MATR3: variants seen among roughly 807,000 people sequenced by gnomAD.
MATR3 encodes matrin 3, also known as matrin-3.
MATR3 carries 4 observed loss-of-function variants against 85.5 expected under a neutral mutation model. The observed-to-expected ratio is 0.05, with a 90% CI of 0.02 to 0.11. MATR3 has a LOEUF of 0.11. MATR3 is among the 10% of genes least tolerant of loss of function. The pLI is 1.00. For missense variants in MATR3, 685 were observed against 1,016.1 expected, an observed-to-expected ratio of 0.67 and a Z score of 4.43; for synonymous variants, 336 against 343.1, an observed-to-expected ratio of 0.98 and a Z score of 0.23.
chr5:139,328,414 T>A (rs1474529132), intron 14 of MATR3, among the ~76,000 whole-genome samples: 5 of 152,216 alleles, frequency 3.3e-5, no homozygotes, highest in African/African-American at 4.8e-5. Context: ...TTAGATTTTT[T>A]AATATGTCTT....
chr5:139,290,934 T>C (rs1162584137), upstream of MATR3, among the ~76,000 whole-genome samples: 1 of 152,132 alleles, frequency 6.6e-6, no homozygotes, highest in Non-Finnish European at 1.5e-5. Flanking sequence ...CCAGTTTATC[T>C]TAGATTCTGC....
intron 2 of MATR3, 172 bp from the exon 3 acceptor site, chr5:139,314,503 C>T: frequency 1.6e-6 from 1 of 618,474 alleles, no homozygotes; most frequent in South Asian, 1.7e-5. Flanking sequence ...AGGATCAAGC[C>T]TCAAGGATTC....
intron 14 of MATR3, among the ~76,000 whole-genome samples, chr5:139,327,426 T>TA (rs970282908): frequency 2.0e-5 from 3 of 152,132 alleles, no homozygotes; most frequent in African/African-American, 7.2e-5. Flanking sequence ...CAAATTATTT[T>TA]ATTTTATTTT....
intron 1 of MATR3, among the ~76,000 whole-genome samples, chr5:139,302,197 A>C (rs990579327): frequency 6.6e-6 from 1 of 152,112 alleles, no homozygotes; most frequent in Non-Finnish European, 1.5e-5. Context: ...TCCTGACCTC[A>C]GGTAATCTGC....
intron 10 of MATR3, among the ~76,000 whole-genome samples, chr5:139,322,230 A>C (rs975662787): frequency 6.6e-6 from 1 of 152,168 alleles, no homozygotes; most frequent in Non-Finnish European, 1.5e-5. Flanking sequence ...GGACACCTTC[A>C]TTGCTCTTAT....
chr5:139,298,965 C>G (rs1754301340), intron 1 of MATR3, among the ~76,000 whole-genome samples: 1 of 152,156 alleles, frequency 6.6e-6, no homozygotes, highest in African/African-American at 2.4e-5. Context: ...TTTTTAAAAG[C>G]AAGTCAGAAC....
At position 139,283,820 on chromosome 5, in the gene MATR3, G is replaced by C. The variant is rs187398965; in HGVS notation, c.-178+4691G>C. 9.2e-5 allele frequency among the ~76,000 whole-genome samples: 14 copies of C among 152,286 alleles called. No homozygotes were observed. In the East Asian group the frequency reaches 2.5e-3, roughly 27 times the overall value. ...CCCGTAGATTCCCTTGTTGGCCACT[G>C]GTTTCTTTCAGTCCTTAATTAGCCT... is the stretch of plus-strand genomic sequence containing the variant. On this transcript the variant is annotated intron_variant, in intron 3 of 16. Transcript: ENST00000509990.
At chr5:139,290,438 CTTTTTTT>C (rs762364450), upstream of MATR3, among the ~76,000 whole-genome samples, 296 of 44,986 alleles carry the variant, frequency 6.6e-3, 6 homozygotes, top group African/African-American at 0.034. Context: ...CCTGGCCGCT[CTTTTTTT>C]TTTTTTTTTT....
intron 2 of MATR3, chr5:139,278,838 G>A (rs1426261544): frequency 1.9e-6 from 1 of 517,254 alleles, no homozygotes; most frequent in Non-Finnish European, 3.8e-6. Flanking sequence ...TTACACTGTT[G>A]GAAGAGCAAA....
At chr5:139,319,860 CTTTTTTTTTTT>C (rs58123057) in intron 9 of MATR3, among the ~76,000 whole-genome samples, 48 of 44,164 alleles carry the variant, frequency 1.1e-3, no homozygotes, top group African/African-American at 2.3e-3. Context: ...AAAAAATTTG[CTTTTTTTTTTT>C]TTTTTTTTTT....
At chr5:139,294,863 C>T (rs1001605159) in intron 1 of MATR3, 7 of 152,134 alleles carry the variant, frequency 4.6e-5, no homozygotes, top group African/African-American at 1.7e-4. Context: ...TGCTCTGTGG[C>T]CCTGTTCTGT....
chr5:139,321,524 T>C (rs1029483970), intron 9 of MATR3, among the ~76,000 whole-genome samples: 15 of 152,258 alleles, frequency 9.9e-5, no homozygotes, highest in Admixed American at 9.2e-4. Context: ...TGCTGTCACC[T>C]GTAATCCCAG....
rs746663724 is a variant in MATR3, at chr5:139,326,277, A to C, written c.2486A>C (p.Lys829Thr). ...TGCAGCAGCCTTCCTCATTATCAGA[A>C]ATTAAAGGTAAGGTTGAATGTAAAA... Reference protein sequence around the residue: ...THCSSLPHYQKLKKFLNKLAE... With the variant: ...THCSSLPHYQTLKKFLNKLAE... Residue 829 changes from lysine (K) to threonine (T), a missense_variant, in exon 14 of 15, where the codon AAA becomes ACA. Coordinates refer to ENST00000394805, the MANE Select transcript of MATR3 (RefSeq NM_018834.6). 3 of 1,613,730 alleles carry C rather than the reference A, an allele frequency of 1.9e-6. No homozygotes were observed. The Admixed American group carries it at 5.0e-5, about 27-fold the overall frequency.
At chr5:139,294,528 C>T (rs1754041557) in intron 1 of MATR3, 1 of 152,764 alleles carries the variant, frequency 6.5e-6, no homozygotes, top group Non-Finnish European at 1.5e-5. Flanking sequence ...TCCCCGCCCC[C>T]CATCGCGTAA....
Position 139,331,073 on chromosome 5 carries a change from G to A in MATR3, c.*1678G>A, listed in dbSNP as rs1413829267. 4.4e-6 allele frequency: 2 copies of A among 453,994 alleles called. No individual in the cohort carries two copies. The highest frequency in any genetic ancestry group is 3.1e-5 in the South Asian group (2 of 64,470). The allele number at this position is 453,994 out of a possible 1,614,324, so 28.1% of individuals were successfully genotyped here. A position where few individuals can be genotyped will look rare whatever the true frequency, so the allele number is the denominator to read the frequency against. ...CCCAAAGTGCTGGGACTGTAGGCATGAGCCACCATCCCTGGCCAAGAAACA... is the reference window on the plus strand; with the variant it reads ...CCCAAAGTGCTGGGACTGTAGGCATAAGCCACCATCCCTGGCCAAGAAACA... On this transcript the variant is annotated 3_prime_UTR_variant, in exon 15 of 15. Coordinates refer to ENST00000394805, the MANE Select transcript of MATR3 (RefSeq NM_018834.6).
At chr5:139,276,669 G>A (rs1312967336) in intron 2 of MATR3, among the ~76,000 whole-genome samples, 1 of 152,086 alleles carries the variant, frequency 6.6e-6, no homozygotes, top group Admixed American at 6.6e-5. Flanking sequence ...TGGGAAGAGG[G>A]GGTTGGTAAA....
chr5:139,287,898 T>C (rs1349543049), intron 3 of MATR3, among the ~76,000 whole-genome samples: 1 of 152,020 alleles, frequency 6.6e-6, no homozygotes, highest in Non-Finnish European at 1.5e-5. Context: ...AAATAGGCAT[T>C]TGATGAATGA....
rs776646382 is a variant in MATR3, at chr5:139,331,632, T to C, written c.*2237T>C. The C allele has an allele frequency of 2.0e-5, 9 of 453,102 alleles. No individual in the cohort carries two copies. The highest frequency in any genetic ancestry group is 7.8e-5 in the South Asian group (5 of 64,174). The allele number at this position is 453,102 out of a possible 1,614,324, so 28.1% of individuals were successfully genotyped here. A position where few individuals can be genotyped will look rare whatever the true frequency, so the allele number is the denominator to read the frequency against. On this transcript the variant is annotated 3_prime_UTR_variant, in exon 15 of 15. Transcript: ENST00000394805. ...GGCTATGTCAGCCCTTAGTTTAATC[T>C]TACATTATCCTACAAAAGTGAATGA...
At chr5:139,297,789 G>C (rs1020666708) in intron 1 of MATR3, among the ~76,000 whole-genome samples, 1 of 152,158 alleles carries the variant, frequency 6.6e-6, no homozygotes, top group African/African-American at 2.4e-5. Context: ...AGTAATGAAA[G>C]CTTAGGTTTG....
Sources: gnomAD v4.1 joint callset for allele counts (sites outside exome capture counted in the v4.1 genomes callset) on GRCh38, gnomAD v4.1.1 for gene constraint, MANE v1.5 for transcripts, NCBI Gene and HGNC (gene_info 2026-07-23, HGNC 2026-07-21) for gene names.